Variants in MYO5B observed in about 807,000 individuals in gnomAD.
MYO5B encodes the protein myosin VB.
In MYO5B, 143 loss-of-function variants were observed where a neutral mutation model predicts 229.3. That is an observed-to-expected ratio of 0.62 (90% confidence interval 0.54 to 0.72). The LOEUF (loss-of-function observed/expected upper bound fraction) is 0.72, where lower values mean the gene tolerates loss of function less well. MYO5B is among the 30% of genes least tolerant of loss of function. The probability of loss-of-function intolerance (pLI) is 0.00; values close to 1 mark genes in which losing one functional copy is unlikely to be tolerated. For missense variants in MYO5B, 2,321 were observed against 2,331.0 expected (o/e 1.00, Z 0.09); for synonymous variants, 918 against 885.2 (o/e 1.04, Z -0.66).
At chr18:49,876,946 T>C (rs2024530346) in intron 25 of MYO5B, among the ~76,000 whole-genome samples, 1 of 152,214 alleles carries the variant, frequency 6.6e-6, no homozygotes, top group African/African-American at 2.4e-5. Context: ...GTTTCTTCCC[T>C]AACTGCTCAC....
chr18:50,185,506 T>C (rs1172978177), intron 1 of MYO5B, among the ~76,000 whole-genome samples: 1 of 152,212 alleles, frequency 6.6e-6, no homozygotes, highest in Non-Finnish European at 1.5e-5. Context: ...TTTATTAGTA[T>C]GTTCAAAAAA....
intron 2 of MYO5B, among the ~76,000 whole-genome samples, chr18:50,051,110 G>A (rs1395885356): frequency 6.6e-6 from 1 of 152,156 alleles, no homozygotes; most frequent in East Asian, 1.9e-4. Flanking sequence ...GATAGAAACT[G>A]AATAGAATTG....
intron 17 of MYO5B, among the ~76,000 whole-genome samples, chr18:49,913,912 G>A (rs953095392): frequency 2.6e-5 from 4 of 151,968 alleles, no homozygotes; most frequent in African/African-American, 9.7e-5. Context: ...GGTGGTGGGA[G>A]AGAAGTTTGG....
intron 3 of MYO5B, among the ~76,000 whole-genome samples, chr18:50,039,198 A>T (rs1179637037): frequency 6.6e-6 from 1 of 152,074 alleles, no homozygotes; most frequent in Non-Finnish European, 1.5e-5. Context: ...CCCCAACCAG[A>T]TCCTCAATTT....
chr18:49,909,881 T>A (rs2024939049), intron 18 of MYO5B, among the ~76,000 whole-genome samples: 1 of 152,182 alleles, frequency 6.6e-6, no homozygotes, highest in African/African-American at 2.4e-5. Flanking sequence ...AGTCACTTGT[T>A]TTTTCATTTG....
At chr18:50,079,500 ACTC>A (rs1250944431) in intron 1 of MYO5B, among the ~76,000 whole-genome samples, 4 of 151,796 alleles carry the variant, frequency 2.6e-5, no homozygotes, top group Non-Finnish European at 5.9e-5. Flanking sequence ...CCAAAATAAA[ACTC>A]CTCAAATTCT....
intron 1 of MYO5B, among the ~76,000 whole-genome samples, chr18:50,190,117 A>G (rs1398809246): frequency 1.3e-5 from 2 of 152,240 alleles, no homozygotes; most frequent in Non-Finnish European, 2.9e-5. Context: ...GCTAGAATCA[A>G]AGTAGCATAT....
intron 1 of MYO5B, among the ~76,000 whole-genome samples, chr18:50,099,809 C>T (rs892389887): frequency 3.3e-5 from 5 of 152,174 alleles, no homozygotes; most frequent in African/African-American, 9.7e-5. Context: ...CAACTGGCTT[C>T]GTTGATGCCA....
At chr18:49,877,590 G>A (rs1050795678) in intron 25 of MYO5B, among the ~76,000 whole-genome samples, 173 bp downstream of exon 25, 1 of 152,206 alleles carries the variant, frequency 6.6e-6, no homozygotes, top group African/African-American at 2.4e-5. Flanking sequence ...GTTAACTCCA[G>A]AGAACTGTCT....
chr18:50,035,976 T>C (rs932182157), intron 4 of MYO5B, among the ~76,000 whole-genome samples: 1 of 152,188 alleles, frequency 6.6e-6, no homozygotes, highest in Non-Finnish European at 1.5e-5. Context: ...AATGATACCC[T>C]GAAATCCACT....
At chr18:50,181,619 G>A (rs1266627692) in intron 1 of MYO5B, among the ~76,000 whole-genome samples, 1 of 152,194 alleles carries the variant, frequency 6.6e-6, no homozygotes, top group Non-Finnish European at 1.5e-5. Context: ...ATGTATTGAT[G>A]AGCTACAGCA....
chr18:50,042,749 T>G (rs2030058468), intron 2 of MYO5B, among the ~76,000 whole-genome samples: 1 of 152,176 alleles, frequency 6.6e-6, no homozygotes. Flanking sequence ...TCCCCGGACC[T>G]GAGAGAGCAC....
intron 21 of MYO5B, among the ~76,000 whole-genome samples, chr18:49,900,519 A>G (rs28446616): frequency 2.6e-5 from 4 of 152,230 alleles, no homozygotes; most frequent in Non-Finnish European, 5.9e-5. Context: ...GAGCACGGAA[A>G]CAGAGGCATT....
At chr18:50,072,770 A>G (rs2030988818) in intron 1 of MYO5B, among the ~76,000 whole-genome samples, 1 of 152,208 alleles carries the variant, frequency 6.6e-6, no homozygotes, top group Admixed American at 6.5e-5. Flanking sequence ...ACAGGATTGC[A>G]TCTAGTGAGT....
At chr18:49,992,221 G>T in intron 6 of MYO5B, 67 bp downstream of exon 6, 1 of 1,598,270 alleles carries the variant, frequency 6.3e-7, no homozygotes, top group Non-Finnish European at 8.6e-7. Context: ...AGGGAGTGGG[G>T]CAGGGAGCAG....
chr18:50,074,265 T>A (rs760561043), intron 1 of MYO5B, among the ~76,000 whole-genome samples: 32 of 152,194 alleles, frequency 2.1e-4, no homozygotes, highest in Non-Finnish European at 3.8e-4. Flanking sequence ...CCAGCCCCCA[T>A]GCTCAATTAC....
At chr18:49,990,233 A>T (rs2025914638) in intron 7 of MYO5B, among the ~76,000 whole-genome samples, 1 of 152,148 alleles carries the variant, frequency 6.6e-6, no homozygotes, top group Admixed American at 6.5e-5. Context: ...CCTCTCATAC[A>T]CTTCCTGTGC....
At chr18:50,064,887 AACC>A (rs2030780457) in intron 1 of MYO5B, among the ~76,000 whole-genome samples, 1 of 152,232 alleles carries the variant, frequency 6.6e-6, no homozygotes, top group Non-Finnish European at 1.5e-5. Flanking sequence ...CTCTTCTGCG[AACC>A]ACTTCACTGA....
intron 1 of MYO5B, among the ~76,000 whole-genome samples, chr18:50,091,868 A>T (rs1444563159): frequency 1.3e-5 from 2 of 152,130 alleles, no homozygotes; most frequent in Non-Finnish European, 2.9e-5. Context: ...GAGAAATGGC[A>T]CTAGAAAAGC....
Sources: gnomAD v4.1 joint callset for allele counts (sites outside exome capture counted in the v4.1 genomes callset) on GRCh38, gnomAD v4.1.1 for gene constraint, MANE v1.5 for transcripts, NCBI Gene and HGNC (gene_info 2026-07-23, HGNC 2026-07-21) for gene names.